TAOK1: variants seen among roughly 807,000 people sequenced by gnomAD.
TAOK1 encodes the protein serine/threonine-protein kinase TAO1.
In TAOK1, 21 loss-of-function variants were observed where a neutral mutation model predicts 138.3. The observed-to-expected ratio is 0.15, with a 90% CI of 0.11 to 0.22. The LOEUF is 0.22. Among genes scored for constraint, TAOK1 ranks in the 10% least tolerant of loss-of-function variants. The pLI, the probability that TAOK1 is intolerant of heterozygous loss-of-function variation, is 1.00. For missense variants in TAOK1, 651 were observed against 1,227.7 expected, an observed-to-expected ratio of 0.53 and a Z score of 7.02; for synonymous variants, 361 against 398.4, an observed-to-expected ratio of 0.91 and a Z score of 1.12.
chr17:29,463,742 T>A (rs1335308027), intron 2 of TAOK1, among the ~76,000 whole-genome samples: 1 of 152,214 alleles, frequency 6.6e-6, no homozygotes, highest in African/African-American at 2.4e-5. Flanking sequence ...TAAATTGGAC[T>A]TCTTCAAGAT....
At chr17:29,447,313 G>A (rs1248345223) in intron 1 of TAOK1, among the ~76,000 whole-genome samples, 1 of 152,048 alleles carries the variant, frequency 6.6e-6, no homozygotes. Flanking sequence ...TAACTCTTAT[G>A]TAAGTTTCAA....
At chr17:29,504,543 A>T (rs1200498945) in intron 13 of TAOK1, among the ~76,000 whole-genome samples, 1 of 150,544 alleles carries the variant, frequency 6.6e-6, no homozygotes, top group East Asian at 2.0e-4. Flanking sequence ...GATGGCGGGC[A>T]CCTGTAATCC....
At chr17:29,409,509 A>G (rs914713143) in intron 1 of TAOK1, among the ~76,000 whole-genome samples, 1 of 150,962 alleles carries the variant, frequency 6.6e-6, no homozygotes, top group Non-Finnish European at 1.5e-5. Flanking sequence ...AATTTTTTGT[A>G]TTTTTAGTAG....
At chr17:29,405,257 G>T (rs1018874246) in intron 1 of TAOK1, among the ~76,000 whole-genome samples, 3 of 152,096 alleles carry the variant, frequency 2.0e-5, no homozygotes, top group Admixed American at 2.0e-4. Flanking sequence ...CAGAGTGCTG[G>T]GATTACAGGC....
At chr17:29,460,570 G>A (rs2030507974) in intron 2 of TAOK1, among the ~76,000 whole-genome samples, 1 of 152,144 alleles carries the variant, frequency 6.6e-6, no homozygotes, top group Admixed American at 6.5e-5. Flanking sequence ...AAGATGTAAT[G>A]GGAGAAAAGA....
At chr17:29,422,856 C>A (rs193212354) in intron 1 of TAOK1, among the ~76,000 whole-genome samples, 1 of 152,114 alleles carries the variant, frequency 6.6e-6, no homozygotes, top group African/African-American at 2.4e-5. Flanking sequence ...AAACCCCCGT[C>A]TCTACTAAAC....
chr17:29,453,616 G>A (rs1193167967), intron 2 of TAOK1, among the ~76,000 whole-genome samples: 1 of 151,248 alleles, frequency 6.6e-6, no homozygotes, highest in Non-Finnish European at 1.5e-5. Flanking sequence ...TCGCTCTGTT[G>A]CCCAGGCTGG....
intron 19 of TAOK1, among the ~76,000 whole-genome samples, chr17:29,535,618 C>T (rs149726851): frequency 7.9e-5 from 12 of 151,964 alleles, no homozygotes; most frequent in Admixed American, 2.0e-4. Context: ...ACTTGGGAGG[C>T]GGAGGCAAGC....
rs142108370 is a variant in TAOK1 at position 29,545,240 on chromosome 17, A to G, written c.*2218A>G. Reference sequence around the variant, plus strand: ...TATCTTTTTTGCATTCAGGTATTATAGCGTTTCCAACAAATTGAGAAATTA... The same window carrying G: ...TATCTTTTTTGCATTCAGGTATTATGGCGTTTCCAACAAATTGAGAAATTA... On this transcript the variant is annotated 3_prime_UTR_variant, in exon 20 of 20. Coordinates refer to ENST00000261716, the MANE Select transcript of TAOK1 (RefSeq NM_020791.4). The G allele has an allele frequency of 6.6e-6, 1 of 152,062 alleles. No homozygotes were observed. The highest frequency in any genetic ancestry group is 1.9e-4 in the East Asian group (1 of 5,176). The allele number at this position is 152,062 out of a possible 1,614,324, so 9.4% of individuals were successfully genotyped here.
In TAOK1 at chr17:29,551,026, T is replaced by C. The variant is rs964245183; in HGVS notation, c.*8004T>C. On this transcript the variant is annotated 3_prime_UTR_variant, in exon 20 of 20. Transcript: ENST00000261716. ...ATTTAAAAAAAAAAAGAAAAAAAGC[T>C]GTAACCTTATCATTTCTGAGTAGAC... 5 of 152,048 alleles carry C rather than the reference T, an allele frequency of 3.3e-5. No homozygotes were observed. Among genetic ancestry groups the C allele is most frequent in the African/African-American group, 1.2e-4 (5 of 41,358 alleles). The allele number at this position is 152,048 out of a possible 1,614,324, so 9.4% of individuals were successfully genotyped here.
chr17:29,489,653 T>G lies in TAOK1; in HGVS notation c.656-11T>G. On this transcript the variant is annotated splice_polypyrimidine_tract_variant and intron_variant, in intron 8 of 19. Transcript: ENST00000261716. ...ACCTATTTTAACAGGAATGTTTCCTTTCTTTTACAGCGGAAAGGAAGCCTC... is the reference window on the plus strand; with the variant it reads ...ACCTATTTTAACAGGAATGTTTCCTGTCTTTTACAGCGGAAAGGAAGCCTC... 6.3e-7 allele frequency: 1 copy of G among 1,595,742 alleles called. No individual in the cohort carries two copies. The highest frequency in any genetic ancestry group is 8.5e-7 in the Non-Finnish European group (1 of 1,171,294).
chr17:29,512,772 TC>T (rs1307454837), intron 15 of TAOK1: 2 of 151,226 alleles, frequency 1.3e-5, no homozygotes, highest in Non-Finnish European at 2.9e-5. Context: ...AAGCTCTGCC[TC>T]CCAGGTTCAC....
chr17:29,483,438 G>A (rs1021445618), intron 8 of TAOK1, among the ~76,000 whole-genome samples: 4 of 151,862 alleles, frequency 2.6e-5, no homozygotes, highest in African/African-American at 9.7e-5. Flanking sequence ...AAAATCTGTT[G>A]GTAATTTTGA....
At chr17:29,530,686 C>T in intron 18 of TAOK1, 67 bp downstream of exon 18, 1 of 1,298,428 alleles carries the variant, frequency 7.7e-7, no homozygotes, top group Non-Finnish European at 1.1e-6. Flanking sequence ...TGAACGAAAT[C>T]ACAGCAATTA....
intron 1 of TAOK1, among the ~76,000 whole-genome samples, chr17:29,438,892 A>C (rs1331034693): frequency 6.6e-6 from 1 of 152,226 alleles, no homozygotes. Context: ...ATTTTGAAAA[A>C]TGTAAAACTT....
chr17:29,407,794 A>T (rs1432606866), intron 1 of TAOK1, among the ~76,000 whole-genome samples: 1 of 152,130 alleles, frequency 6.6e-6, no homozygotes, highest in African/African-American at 2.4e-5. Flanking sequence ...ACATATCTAA[A>T]TTGAACTCAT....
At chr17:29,459,766 A>G (rs2030488463) in intron 2 of TAOK1, among the ~76,000 whole-genome samples, 1 of 152,136 alleles carries the variant, frequency 6.6e-6, no homozygotes, top group Non-Finnish European at 1.5e-5. Flanking sequence ...CATATACCTA[A>G]TAGTTGGATT....
At chr17:29,430,386 G>A (rs547759620) in intron 1 of TAOK1, among the ~76,000 whole-genome samples, 195 of 152,286 alleles carry the variant, frequency 1.3e-3, no homozygotes, top group African/African-American at 4.5e-3. Flanking sequence ...CCCACCAGAG[G>A]CTGATGTGAA....
intron 14 of TAOK1, among the ~76,000 whole-genome samples, chr17:29,508,707 G>A (rs2031667816): frequency 1.3e-5 from 2 of 152,098 alleles, no homozygotes; most frequent in Admixed American, 6.6e-5. Context: ...AATGATTTAA[G>A]ATTACTGTAA....
Sources: gnomAD v4.1 joint callset for allele counts (sites outside exome capture counted in the v4.1 genomes callset) on GRCh38, gnomAD v4.1.1 for gene constraint, MANE v1.5 for transcripts, NCBI Gene and HGNC (gene_info 2026-07-23, HGNC 2026-07-21) for gene names.